Variants in MED12L observed in about 807,000 individuals in gnomAD.
MED12L encodes the protein mediator of RNA polymerase II transcription subunit 12-like protein.
MED12L carries 60 observed loss-of-function variants against 281.3 expected under a neutral mutation model. The observed-to-expected ratio is 0.21, with a 90% CI of 0.17 to 0.26. MED12L has a LOEUF of 0.26. Ranked by LOEUF, MED12L falls within the 10% of genes least tolerant of loss-of-function variation. The pLI is 1.00. For missense variants in MED12L, 2,146 were observed against 2,680.9 expected, an observed-to-expected ratio of 0.80 and a Z score of 4.41; for synonymous variants, 974 against 987.2, an observed-to-expected ratio of 0.99 and a Z score of 0.25.
chr3:151,282,157 G>A (rs981876531), intron 16 of MED12L, among the ~76,000 whole-genome samples: 8 of 152,022 alleles, frequency 5.3e-5, no homozygotes, highest in African/African-American at 1.4e-4. Context: ...TAGCGCATCC[G>A]GCCTCATCCC....
At chr3:151,358,037 G>T in intron 20 of MED12L, among the ~76,000 whole-genome samples, 1 of 152,186 alleles carries the variant, frequency 6.6e-6, no homozygotes, top group East Asian at 1.9e-4. Flanking sequence ...AAGACAACCT[G>T]TTATTTCTTT....
intron 2 of MED12L, among the ~76,000 whole-genome samples, chr3:151,095,004 C>T (rs1357807396): frequency 1.3e-5 from 2 of 152,196 alleles, no homozygotes; most frequent in Non-Finnish European, 2.9e-5. Flanking sequence ...GGAGTTAGGA[C>T]TGTTAGGTGA....
intron 16 of MED12L, among the ~76,000 whole-genome samples, chr3:151,226,774 C>T (rs1307092723): frequency 1.3e-5 from 2 of 152,150 alleles, no homozygotes; most frequent in Non-Finnish European, 2.9e-5. Flanking sequence ...TTTGATTTGC[C>T]AGTTTCTAAA....
At chr3:151,198,497 G>A in intron 16 of MED12L, 2 of 1,613,456 alleles carry the variant, frequency 1.2e-6, no homozygotes, top group Non-Finnish European at 1.7e-6. Flanking sequence ...AAAAGTCTCA[G>A]TGACCTTTGA....
intron 16 of MED12L, among the ~76,000 whole-genome samples, chr3:151,205,563 G>A (rs938633422): frequency 1.3e-5 from 2 of 152,146 alleles, no homozygotes; most frequent in African/African-American, 4.8e-5. Context: ...GAACTAATGA[G>A]GAAGGGGAAA....
Position 151,365,032 on chromosome 3 carries a change from A to G in MED12L, c.3011A>G (p.Asn1004Ser), listed in dbSNP as rs767700302. The G allele has an allele frequency of 2.5e-6, 4 of 1,614,054 alleles. 1 individual carries two copies. The South Asian group carries it at 4.4e-5, about 18-fold the overall frequency. Residue 1004 changes from asparagine to serine, a missense_variant, in exon 22 of 45, where the codon AAT (asparagine) becomes AGT (serine). Physicochemically the swap from Asn to Ser is conservative, Grantham distance 46. Around this residue, in one of 9 missense-constraint regions of MED12L, gnomAD observed 404 missense variants for 603.5 expected, o/e 0.67. Coordinates refer to ENST00000687756, the MANE Select transcript of MED12L (RefSeq NM_001393769.1). ...ATATATAATAACGTGATGCCTGCAA[A>G]TTCGAACTTGCGATGGGATCCAGAC... ...QTIYNNVMPA[N>S]SNLRWDPDFM...
intron 16 of MED12L, chr3:151,327,893 G>C (rs1307008728): frequency 6.0e-6 from 5 of 836,564 alleles, no homozygotes; most frequent in Admixed American, 2.7e-5. Flanking sequence ...AAATGTAAGA[G>C]AGCATTTGTT....
At position 151,193,533 on chromosome 3, in the gene MED12L, C is replaced by T. The variant is rs1576931641; in HGVS notation, c.2117C>T (p.Thr706Ile). The T allele has an allele frequency of 1.9e-6, 3 of 1,613,896 alleles. No homozygotes were observed. The highest frequency in any genetic ancestry group is 3.3e-4 in the Middle Eastern group (2 of 6,060). Reference protein sequence around the residue: ...MPGESCENANTSLGRRMSVNC... With the variant: ...MPGESCENANISLGRRMSVNC... ...GGAGAATCCTGTGAGAATGCCAACA[C>T]TTCGTTGGGCAGAAGAATGTCAGTT... Residue 706 changes from threonine to isoleucine, a missense_variant, in exon 16 of 45, where the codon ACT (threonine) becomes ATT (isoleucine). By Grantham distance (89) the Thr-to-Ile change is moderately conservative. Coordinates refer to ENST00000687756, the MANE Select transcript of MED12L (RefSeq NM_001393769.1).
At chr3:151,297,848 T>G (rs1310941774) in intron 16 of MED12L, among the ~76,000 whole-genome samples, 1 of 151,636 alleles carries the variant, frequency 6.6e-6, no homozygotes, top group Non-Finnish European at 1.5e-5. Flanking sequence ...TCAAAAAAGG[T>G]TGTGTGTGTG....
chr3:151,179,097 T>C (rs1019613010), intron 11 of MED12L, among the ~76,000 whole-genome samples: 3 of 152,152 alleles, frequency 2.0e-5, no homozygotes, highest in African/African-American at 7.2e-5. Context: ...GCCAGCACTT[T>C]GGAAAGCTGA....
chr3:151,246,667 C>T (rs1449633078), intron 16 of MED12L, among the ~76,000 whole-genome samples: 1 of 152,076 alleles, frequency 6.6e-6, no homozygotes, highest in African/African-American at 2.4e-5. Context: ...CCATAAAAAC[C>T]CTAGAAGAAA....
chr3:151,165,624 A>G (rs1299874678), intron 10 of MED12L, 105 bp downstream of exon 10: 1 of 1,027,494 alleles, frequency 9.7e-7, no homozygotes, highest in Non-Finnish European at 1.5e-6. Flanking sequence ...TTTTTGACAG[A>G]GCCACTTGGT....
intron 16 of MED12L, among the ~76,000 whole-genome samples, chr3:151,255,590 G>C (rs2149472293): frequency 6.6e-6 from 1 of 152,264 alleles, no homozygotes; most frequent in Middle Eastern, 3.4e-3. Flanking sequence ...TTTTCCTGCA[G>C]CTTCCCTTCT....
intron 43 of MED12L, among the ~76,000 whole-genome samples, chr3:151,421,003 G>A (rs1718183226): frequency 6.6e-6 from 1 of 152,204 alleles, no homozygotes; most frequent in Non-Finnish European, 1.5e-5. Context: ...CTGAGGAATG[G>A]TGGCATATCG....
At chr3:151,166,917 G>T (rs953787221) in intron 11 of MED12L, among the ~76,000 whole-genome samples, 1 of 151,696 alleles carries the variant, frequency 6.6e-6, no homozygotes, top group Non-Finnish European at 1.5e-5. Flanking sequence ...CTCCTGATTC[G>T]CCTGCCTCAG....
At chr3:151,320,388 T>C (rs889058827) in intron 16 of MED12L, among the ~76,000 whole-genome samples, 2 of 152,202 alleles carry the variant, frequency 1.3e-5, no homozygotes, top group African/African-American at 4.8e-5. Flanking sequence ...GGCTGGAACA[T>C]GCAACAAGGA....
At chr3:151,266,964 A>G (rs1179960315) in intron 16 of MED12L, among the ~76,000 whole-genome samples, 2 of 152,144 alleles carry the variant, frequency 1.3e-5, no homozygotes, top group Non-Finnish European at 2.9e-5. Context: ...TATGGTTTAA[A>G]ATGGATTTTA....
At chr3:151,274,948 C>A (rs1465145017) in intron 16 of MED12L, among the ~76,000 whole-genome samples, 1 of 152,256 alleles carries the variant, frequency 6.6e-6, no homozygotes, top group East Asian at 1.9e-4. Flanking sequence ...GGATTTCATT[C>A]ATCATCTGTA....
At chr3:151,275,997 C>G (rs1287665668) in intron 16 of MED12L, among the ~76,000 whole-genome samples, 2 of 152,074 alleles carry the variant, frequency 1.3e-5, no homozygotes, top group Non-Finnish European at 2.9e-5. Context: ...GAAATGCCTT[C>G]TTAGCATCCA....
Sources: gnomAD v4.1 joint callset for allele counts (sites outside exome capture counted in the v4.1 genomes callset) on GRCh38, gnomAD v4.1.1 for gene constraint, gnomAD v4.1.1 regional missense constraint, MANE v1.5 for transcripts, NCBI Gene and HGNC (gene_info 2026-07-23, HGNC 2026-07-21) for gene names.